The following SLC27A5 variants were observed in gnomAD, a reference collection of about 807,000 sequenced individuals.
SLC27A5 encodes long-chain fatty acid transport protein 5.
In SLC27A5, 47 loss-of-function variants were observed where a neutral mutation model predicts 63.1. That is an observed-to-expected ratio of 0.74 (90% CI 0.59 to 0.95). The LOEUF (loss-of-function observed/expected upper bound fraction) is 0.95, where lower values mean the gene tolerates loss of function less well. Among genes scored for constraint, SLC27A5 ranks in the 40% least tolerant of loss-of-function variants. SLC27A5 has a pLI of 0.00. For synonymous variants in SLC27A5, 391 were observed against 403.8 expected, an observed-to-expected ratio of 0.97 and a Z score of 0.38; for missense variants, 940 against 921.0, an observed-to-expected ratio of 1.02 and a Z score of -0.27.
chr19:58,500,647 A>T lies in SLC27A5; in HGVS notation c.1242T>A (p.Asp414Glu), dbSNP rs1458350172. 6.2e-7 allele frequency: 1 copy of T among 1,614,084 alleles called. No individual in the cohort carries two copies. Among genetic ancestry groups the T allele is most frequent in the African/African-American group, 1.3e-5 (1 of 75,020 alleles). ...AGCGCTGCTGGAAGGTCTCCCACAC[A>T]TCAGCCCGTAGTCCATTGCCCATTG... Reference protein sequence around the residue: ...RLAMGNGLRADVWETFQQRFG... With the variant: ...RLAMGNGLRAEVWETFQQRFG... Residue 414 changes from aspartate to glutamate, a missense_variant, in exon 5 of 10, where the codon GAT becomes GAA. Coordinates refer to ENST00000263093, the MANE Select transcript of SLC27A5 (RefSeq NM_012254.3).
intron 8 of SLC27A5, 24 bp from the exon 9 acceptor site, chr19:58,498,939 C>A (rs755185254): frequency 6.2e-7 from 1 of 1,604,366 alleles, no homozygotes; most frequent in South Asian, 1.1e-5. Context: ...TGGTCACTCT[C>A]GGCTGACCCA....
At chr19:58,507,295 G>T (rs1048245932) in intron 3 of SLC27A5, 1 of 152,496 alleles carries the variant, frequency 6.6e-6, no homozygotes, top group Non-Finnish European at 1.5e-5. Flanking sequence ...CACCACTGTT[G>T]CGGGAAGTCA....
Position 58,499,547 on chromosome 19 carries a change from C to T in SLC27A5, c.1612G>A (p.Ala538Thr), listed in dbSNP as rs370116449. Reference protein sequence around the residue: ...DVYYNTGDVLAMDREGFLYFR... With the variant: ...DVYYNTGDVLTMDREGFLYFR... ...TAGAGGAAGCCTTCGCGGTCCATGG[C>T]CAGTACGTCCCCGGTGTTGTAGTAA... Residue 538 changes from alanine (A) to threonine (T), a missense_variant, in exon 7 of 10, where the codon GCC (alanine) becomes ACC (threonine). Coordinates refer to ENST00000263093, the MANE Select transcript of SLC27A5 (RefSeq NM_012254.3). 9 of 1,613,188 alleles carry T rather than the reference C, an allele frequency of 5.6e-6. No homozygotes were observed. In the South Asian group the frequency reaches 8.8e-5, roughly 16 times the overall value.
At chr19:58,510,254 C>T (rs2053394731) in intron 2 of SLC27A5, 2 of 460,374 alleles carry the variant, frequency 4.3e-6, no homozygotes, top group Admixed American at 3.9e-5. Flanking sequence ...TCTCAAATTA[C>T]ATTGGGGGTC....
intron 4 of SLC27A5, 90 bp downstream of exon 4, chr19:58,501,196 T>A: frequency 6.6e-7 from 1 of 1,504,802 alleles, no homozygotes; most frequent in Non-Finnish European, 9.0e-7. Context: ...CTGAGGGACT[T>A]GAGTTCAGTA....
rs141880672 is a variant in SLC27A5 at position 58,499,936 on chromosome 19, G to T, written c.1469-246C>A. Among the ~76,000 whole-genome samples the T allele has an allele frequency of 2.3e-3, 351 of 152,262 alleles. 2 individuals carry two copies. The highest frequency in any genetic ancestry group is 7.9e-3 in the African/African-American group (329 of 41,552). On this transcript the variant is annotated intron_variant, in intron 6 of 9. Transcript: ENST00000263093. ...GGGAGCCCATGAGAAACAGGAAAAG[G>T]ATAACAAGGGATGGAAGACGGACAG...
At chr19:58,501,059 AG>A in intron 4 of SLC27A5, 1 of 1,231,122 alleles carries the variant, frequency 8.1e-7, no homozygotes, top group Non-Finnish European at 1.1e-6. Context: ...TGATAGGGGT[AG>A]GGGCTATTAT....
In SLC27A5 at chr19:58,498,842, G is replaced by T. The variant is rs1421293694; in HGVS notation, c.1839C>A (p.Tyr613Ter). Residue 613 changes from tyrosine to a stop codon, truncating the protein, a stop_gained, in exon 9 of 10, where the codon TAC becomes TAA. Coordinates refer to ENST00000263093, the MANE Select transcript of SLC27A5 (RefSeq NM_012254.3). LOFTEE classifies it high-confidence loss of function. ...CAGGGAGCCAAGCGCGAACGTGCTGGTACAACTTCTCCCCGTCGAAAGTCT... is the reference window on the plus strand; with the variant it reads ...CAGGGAGCCAAGCGCGAACGTGCTGTTACAACTTCTCCCCGTCGAAAGTCT... ...PGQTFDGEKLYQHVRAWLPAY... is the reference protein window; with the variant it reads ...PGQTFDGEKL 8.1e-6 allele frequency: 13 copies of T among 1,614,054 alleles called. No homozygotes were observed. Among genetic ancestry groups the T allele is most frequent in the East Asian group, 4.5e-5 (2 of 44,882 alleles).
chr19:58,499,554 G>A lies in SLC27A5; in HGVS notation c.1605C>T (p.Asp535=), dbSNP rs1816069473. Residue 535 remains aspartate, a synonymous_variant, in exon 7 of 10, where the codon GAC becomes GAT. Coordinates refer to ENST00000263093, the MANE Select transcript of SLC27A5 (RefSeq NM_012254.3). The stretch of plus-strand genomic sequence containing the variant: ...AGCCTTCGCGGTCCATGGCCAGTAC[G>A]TCCCCGGTGTTGTAGTAAACGTCGC... ...QSGDVYYNTG[D]VLAMDREGFL... is the part of the protein sequence containing the mutation. 1.2e-6 allele frequency: 2 copies of A among 1,613,142 alleles called. No individual in the cohort carries two copies. Among genetic ancestry groups the A allele is most frequent in the Admixed American group, 3.3e-5 (2 of 60,000 alleles).
At chr19:58,501,134 G>T in intron 4 of SLC27A5, 152 bp downstream of exon 4, 2 of 1,262,590 alleles carry the variant, frequency 1.6e-6, no homozygotes, top group Non-Finnish European at 2.1e-6. Context: ...AACCATTATT[G>T]GAAGCCTTGT....
chr19:58,499,492 C>T lies in SLC27A5; in HGVS notation c.1667G>A (p.Arg556Gln). 1 of 1,612,908 alleles carries T rather than the reference C, an allele frequency of 6.2e-7. No homozygotes were observed. Among genetic ancestry groups the T allele is most frequent in the South Asian group, 1.1e-5 (1 of 91,082 alleles). ...YFRDRLGDTF[R>Q]WKGENVSTHE... ...CGCCCCGAGAAACCCTGCCTCGGACCGGAAGGTGTCCCCGAGGCGGTCGCG... is the reference window on the plus strand; with the variant it reads ...CGCCCCGAGAAACCCTGCCTCGGACTGGAAGGTGTCCCCGAGGCGGTCGCG... Residue 556 changes from arginine (R) to glutamine (Q), a missense_variant and splice_region_variant, in exon 7 of 10, where the codon CGA (arginine) becomes CAA (glutamine). Physicochemically the swap from Arg to Gln is conservative, Grantham distance 43. Transcript: ENST00000263093.
chr19:58,502,358 G>A (rs28472491), intron 3 of SLC27A5, among the ~76,000 whole-genome samples: 3 of 148,732 alleles, frequency 2.0e-5, no homozygotes, highest in South Asian at 2.2e-4. Context: ...TGGATGGGTG[G>A]ACAGTTAGAG....
At chr19:58,502,150 G>A (rs561638619) in intron 3 of SLC27A5, among the ~76,000 whole-genome samples, 1 of 151,922 alleles carries the variant, frequency 6.6e-6, no homozygotes, top group Non-Finnish European at 1.5e-5. Context: ...ATGGGTGGGT[G>A]GACAGAGTAG....
Position 58,499,717 on chromosome 19 carries a change from C to T in SLC27A5, c.1469-27G>A, listed in dbSNP as rs976175242. 9 of 1,604,722 alleles carry T rather than the reference C, an allele frequency of 5.6e-6. No homozygotes were observed. The African/African-American group carries it at 9.4e-5, about 17-fold the overall frequency. ...TGGGGTAGGAGCAGGAACAAGAACC[C>T]CTGGAGCCCACCAGCCAAGCCCCCT... On this transcript the variant is annotated intron_variant, in intron 6 of 9. Coordinates refer to ENST00000263093, the MANE Select transcript of SLC27A5 (RefSeq NM_012254.3).
Position 58,505,120 on chromosome 19 carries a change from A to C in SLC27A5, c.1058-3710T>G, listed in dbSNP as rs558282072. On this transcript the variant is annotated intron_variant, in intron 3 of 9. Transcript: ENST00000263093. The stretch of plus-strand genomic sequence containing the variant: ...TCACTTTTTTTTTTTTTTTTTTTTG[A>C]GACAGAGTCTCGCTTTTTGCACAGG... 3.0e-4 allele frequency among the ~76,000 whole-genome samples: 21 copies of C among 69,872 alleles called. No homozygotes were observed. In the East Asian group the frequency reaches 8.4e-3, roughly 28 times the overall value. 45.8% of individuals were successfully genotyped at this position (69,872 alleles called of 152,430 possible).
chr19:58,504,649 C>T (rs1239492050), intron 3 of SLC27A5, among the ~76,000 whole-genome samples: 1 of 146,038 alleles, frequency 6.8e-6, no homozygotes, highest in Non-Finnish European at 1.5e-5. Context: ...GCCTGGGCGA[C>T]AGAGCGAGAC....
Position 58,499,643 on chromosome 19 carries a change from C to G in SLC27A5, c.1516G>C (p.Val506Leu). 2 of 1,612,522 alleles carry G rather than the reference C, an allele frequency of 1.2e-6. No homozygotes were observed. The highest frequency in any genetic ancestry group is 3.3e-4 in the Middle Eastern group (2 of 6,056). The change falls in exon 7 of 10, where the codon GTG becomes CTG. Residue 506 changes from valine to leucine, a missense_variant. Transcript: ENST00000263093. ...LTKVVSQQPF[V>L]GYRGPRELSE... ...AGCTCTCGGGGGCCGCGGTAGCCCA[C>G]GAAGGGTTGCTGGCTTACCACCTTG...
chr19:58,508,118 A>G (rs2053367334), intron 3 of SLC27A5: 1 of 152,042 alleles, frequency 6.6e-6, no homozygotes, highest in Non-Finnish European at 1.5e-5. Flanking sequence ...TGAAATCCTT[A>G]ATAAAACTTG....
rs765021095 is a variant in SLC27A5 at position 58,501,265 on chromosome 19, G to A, written c.1182+21C>T. On this transcript the variant is annotated intron_variant, in intron 4 of 9. Coordinates refer to ENST00000263093, the MANE Select transcript of SLC27A5 (RefSeq NM_012254.3). ...TTCATACTTGGGTGTTCACCATGGAGCCCTAATCTTAGAGCCTCACCTGGG... is the reference window on the plus strand; with the variant it reads ...TTCATACTTGGGTGTTCACCATGGAACCCTAATCTTAGAGCCTCACCTGGG... 6 of 1,610,804 alleles carry A rather than the reference G, an allele frequency of 3.7e-6. No individual in the cohort carries two copies. The African/African-American group carries it at 5.3e-5, about 14-fold the overall frequency.
Sources: gnomAD v4.1 joint callset for allele counts (sites outside exome capture counted in the v4.1 genomes callset) on GRCh38, gnomAD v4.1.1 for gene constraint, MANE v1.5 for transcripts, NCBI Gene and HGNC (gene_info 2026-07-23, HGNC 2026-07-21) for gene names.